ZC3H12B: variants seen among roughly 807,000 people sequenced by gnomAD.
ZC3H12B encodes the protein probable ribonuclease ZC3H12B.
In ZC3H12B, 7 loss-of-function variants were observed where a neutral mutation model predicts 43.9. That is an observed-to-expected ratio of 0.16 (90% CI 0.09 to 0.30). The LOEUF (loss-of-function observed/expected upper bound fraction) is 0.30, where lower values mean the gene tolerates loss of function less well. ZC3H12B is among the 10% of genes least tolerant of loss of function. The pLI, the probability that ZC3H12B is intolerant of heterozygous loss-of-function variation, is 1.00. For synonymous variants in ZC3H12B, 222 were observed against 241.7 expected (o/e 0.92, Z 0.76); for missense variants, 475 against 670.2 (o/e 0.71, Z 3.22).
chrX:65,206,729 G>A, the ZC3H12B span, among the ~76,000 whole-genome samples: 1 of 111,210 alleles, frequency 9.0e-6, no homozygotes, highest in Non-Finnish European at 1.9e-5. Context: ...CAGACAACCC[G>A]CAGAGTGGGA....
At chrX:65,051,009 G>A in the ZC3H12B span, among the ~76,000 whole-genome samples, 1 of 110,926 alleles carries the variant, frequency 9.0e-6, no homozygotes, top group African/African-American at 3.3e-5. Context: ...TTTGTAGGGG[G>A]GTTATTAACT....
At chrX:65,450,815 GTATATATATACATATGTGTATATATGTA>G (rs2067488612) in intron 3 of ZC3H12B, among the ~76,000 whole-genome samples, 1 of 63,992 alleles carries the variant, frequency 1.6e-5, no homozygotes, top group Non-Finnish European at 2.7e-5. Context: ...GTGTATATAT[GTATATATATACATATGTGTATATATGTA>G]TATATATACA....
the ZC3H12B span, among the ~76,000 whole-genome samples, chrX:65,203,931 C>T: frequency 5.4e-5 from 6 of 111,899 alleles, no homozygotes; most frequent in Non-Finnish European, 7.5e-5. Flanking sequence ...GAGTGATGCT[C>T]CTCTAGCTAG....
chrX:65,159,688 T>A, the ZC3H12B span, among the ~76,000 whole-genome samples: 1 of 111,986 alleles, frequency 8.9e-6, no homozygotes, highest in Non-Finnish European at 1.9e-5. Flanking sequence ...TTTCTAGATA[T>A]ACAATCATGT....
the ZC3H12B span, among the ~76,000 whole-genome samples, chrX:65,342,987 A>G: frequency 9.0e-6 from 1 of 111,336 alleles, no homozygotes; most frequent in Non-Finnish European, 1.9e-5. Flanking sequence ...AGGAGATACT[A>G]CCACTTACCC....
chrX:65,357,216 A>G, the ZC3H12B span: 1 of 392,305 alleles, frequency 2.5e-6, no homozygotes, highest in Admixed American at 3.3e-5. Flanking sequence ...GGTGAAATAG[A>G]TTTCATGAGA....
intron 2 of ZC3H12B, among the ~76,000 whole-genome samples, chrX:65,393,218 C>G (rs1313506631): frequency 6.3e-5 from 7 of 110,956 alleles, no homozygotes; most frequent in Non-Finnish European, 5.7e-5. Context: ...ATCCCCCTCT[C>G]TGAGAAACAC....
At chrX:65,473,642 C>T (rs1361717884) in intron 3 of ZC3H12B, among the ~76,000 whole-genome samples, 2 of 112,135 alleles carry the variant, frequency 1.8e-5, no homozygotes, top group Non-Finnish European at 3.8e-5. Context: ...GATTATTTAA[C>T]TTCTTCCTTT....
chrX:65,341,742 G>A, the ZC3H12B span, among the ~76,000 whole-genome samples: 5 of 109,502 alleles, frequency 4.6e-5, no homozygotes, highest in Admixed American at 4.9e-4. Context: ...ACTGTTACCA[G>A]CCACTACAAA....
chrX:65,178,484 G>A, the ZC3H12B span, among the ~76,000 whole-genome samples: 133 of 112,234 alleles, frequency 1.2e-3, no homozygotes, highest in African/African-American at 4.1e-3. Flanking sequence ...GCAACCTGCA[G>A]AATGTGAAAA....
the ZC3H12B span, among the ~76,000 whole-genome samples, chrX:65,112,835 C>G: frequency 8.9e-6 from 1 of 111,771 alleles, no homozygotes; most frequent in South Asian, 3.7e-4. Context: ...AACAGAATAT[C>G]CCTTCTACAG....
chrX:65,134,893 C>T, the ZC3H12B span, among the ~76,000 whole-genome samples: 2 of 111,093 alleles, frequency 1.8e-5, no homozygotes, highest in African/African-American at 3.3e-5. Context: ...GGGTTGTTCT[C>T]TGGCAGGCAG....
intron 3 of ZC3H12B, among the ~76,000 whole-genome samples, chrX:65,418,458 C>A (rs926248576): frequency 9.0e-6 from 1 of 111,544 alleles, no homozygotes; most frequent in Non-Finnish European, 1.9e-5. Flanking sequence ...GTGGGAACTG[C>A]AGTAACTGAA....
At chrX:65,316,928 C>T in the ZC3H12B span, among the ~76,000 whole-genome samples, 1 of 111,577 alleles carries the variant, frequency 9.0e-6, no homozygotes, top group Non-Finnish European at 1.9e-5. Context: ...AACCCACAGG[C>T]TCAAAGTAAT....
chrX:65,504,448 C>T (rs928721560), exon 5 of ZC3H12B: 3 of 112,582 alleles, frequency 2.7e-5, no homozygotes, highest in African/African-American at 9.7e-5. Flanking sequence ...CATTTATTAA[C>T]AGTTCTTACC....
chrX:65,171,850 G>A, the ZC3H12B span, among the ~76,000 whole-genome samples: 1 of 111,424 alleles, frequency 9.0e-6, no homozygotes, highest in Non-Finnish European at 1.9e-5. Context: ...ACAAGTGTGG[G>A]ATATAATCTC....
the ZC3H12B span, among the ~76,000 whole-genome samples, chrX:65,255,627 A>G: frequency 8.9e-6 from 1 of 112,207 alleles, no homozygotes; most frequent in East Asian, 2.8e-4. Context: ...AAGCAACCAT[A>G]CAAAAAGTCT....
intron 2 of ZC3H12B, among the ~76,000 whole-genome samples, chrX:65,380,706 G>A (rs981722941): frequency 1.5e-4 from 17 of 111,715 alleles, no homozygotes; most frequent in African/African-American, 5.2e-4. Context: ...CTGTATTCAG[G>A]AAACCCATCT....
At chrX:65,161,309 G>T in the ZC3H12B span, among the ~76,000 whole-genome samples, 1 of 110,855 alleles carries the variant, frequency 9.0e-6, no homozygotes, top group Non-Finnish European at 1.9e-5. Context: ...TCAATTCCTG[G>T]GGATCTTTGT....
Sources: gnomAD v4.1 joint callset for allele counts (sites outside exome capture counted in the v4.1 genomes callset) on GRCh38, gnomAD v4.1.1 for gene constraint, MANE v1.5 for transcripts, NCBI Gene and HGNC (gene_info 2026-07-23, HGNC 2026-07-21) for gene names.